Variants in PTBP3 observed in about 807,000 individuals in gnomAD.
PTBP3 encodes the protein polypyrimidine tract-binding protein 3.
In PTBP3, 20 loss-of-function variants were observed where a neutral mutation model predicts 58.7. The observed-to-expected ratio is 0.34, with a 90% CI of 0.24 to 0.50. PTBP3 has a LOEUF of 0.50. Ranked by LOEUF, PTBP3 falls within the 20% of genes least tolerant of loss-of-function variation. The pLI is 0.98. For missense variants in PTBP3, 509 were observed against 637.2 expected (o/e 0.80, Z 2.17); for synonymous variants, 185 against 219.8 (o/e 0.84, Z 1.40).
intron 2 of PTBP3, among the ~76,000 whole-genome samples, chr9:112,282,708 A>G (rs1338856377): frequency 6.6e-6 from 1 of 151,992 alleles, no homozygotes; most frequent in African/African-American, 2.4e-5. Context: ...TTGATTTCTA[A>G]TAGAATTCTA....
chr9:112,306,011 T>C (rs1165364788), intron 1 of PTBP3, among the ~76,000 whole-genome samples: 1 of 152,126 alleles, frequency 6.6e-6, no homozygotes, highest in East Asian at 1.9e-4. Flanking sequence ...TAGCAAATTA[T>C]TGAACCTGTG....
At chr9:112,319,827 T>G (rs1829848004) in intron 1 of PTBP3, among the ~76,000 whole-genome samples, 1 of 152,124 alleles carries the variant, frequency 6.6e-6, no homozygotes, top group African/African-American at 2.4e-5. Flanking sequence ...ACATGTACAA[T>G]GGAATATTAC....
At chr9:112,331,739 A>G (rs1017820242) in intron 1 of PTBP3, among the ~76,000 whole-genome samples, 1 of 152,230 alleles carries the variant, frequency 6.6e-6, no homozygotes, top group Non-Finnish European at 1.5e-5. Context: ...TGCATATTCA[A>G]ACCAATAAAC....
intron 5 of PTBP3, among the ~76,000 whole-genome samples, chr9:112,262,041 T>C (rs1016468172): frequency 2.6e-5 from 4 of 152,180 alleles, no homozygotes; most frequent in Admixed American, 6.5e-5. Context: ...TGAAGACTTA[T>C]TGAACACTTT....
the PTBP3 span, among the ~76,000 whole-genome samples, chr9:112,367,270 G>A: frequency 6.6e-6 from 1 of 151,542 alleles, no homozygotes; most frequent in Non-Finnish European, 1.5e-5. Flanking sequence ...CTATATTAGA[G>A]TATTCTGAAT....
chr9:112,327,830 A>C (rs932840742), intron 1 of PTBP3, among the ~76,000 whole-genome samples: 11 of 152,200 alleles, frequency 7.2e-5, no homozygotes, highest in South Asian at 4.2e-4. Flanking sequence ...AAAATGAGAA[A>C]GCTTAAGTTC....
At chr9:112,246,308 T>C (rs995971744) in intron 7 of PTBP3, among the ~76,000 whole-genome samples, 4 of 151,914 alleles carry the variant, frequency 2.6e-5, no homozygotes, top group Non-Finnish European at 4.4e-5. Flanking sequence ...TATAATAAAA[T>C]GCTAGCTAAT....
At chr9:112,246,366 T>C (rs541285393) in intron 7 of PTBP3, among the ~76,000 whole-genome samples, 1 of 152,084 alleles carries the variant, frequency 6.6e-6, no homozygotes, top group East Asian at 1.9e-4. Context: ...ATGGAAACCA[T>C]CACAGTAACA....
At chr9:112,340,876 C>CCAAA in the PTBP3 span, among the ~76,000 whole-genome samples, 469 of 30,050 alleles carry the variant, frequency 0.016, 2 homozygotes, top group African/African-American at 0.054. Context: ...AACTCTGTCT[C>CCAAA]AAAAAAAAAA....
chr9:112,352,571 C>T, the PTBP3 span, among the ~76,000 whole-genome samples: 1 of 152,178 alleles, frequency 6.6e-6, no homozygotes, highest in Admixed American at 6.5e-5. Flanking sequence ...AAATGAACCC[C>T]AGGGTGTATT....
the PTBP3 span, among the ~76,000 whole-genome samples, chr9:112,341,611 C>A: frequency 1.4e-4 from 22 of 152,188 alleles, no homozygotes; most frequent in Non-Finnish European, 2.6e-4. Flanking sequence ...CTCATCTCAG[C>A]TTTTCTGTGC....
chr9:112,247,740 C>G (rs1835946381), intron 7 of PTBP3, among the ~76,000 whole-genome samples: 1 of 152,040 alleles, frequency 6.6e-6, no homozygotes, highest in East Asian at 1.9e-4. Flanking sequence ...GATTAAAGGA[C>G]TGTATAGATG....
intron 2 of PTBP3, among the ~76,000 whole-genome samples, chr9:112,288,001 A>T (rs971085579): frequency 1.3e-5 from 2 of 152,152 alleles, no homozygotes; most frequent in African/African-American, 4.8e-5. Context: ...AGAATTTGTT[A>T]TTCTGTTGTT....
intron 7 of PTBP3, among the ~76,000 whole-genome samples, chr9:112,247,555 A>C (rs1228088698): frequency 6.7e-6 from 1 of 149,126 alleles, no homozygotes; most frequent in Non-Finnish European, 1.5e-5. Flanking sequence ...AAAATGACAA[A>C]AAAAAAAAAA....
upstream of PTBP3, among the ~76,000 whole-genome samples, chr9:112,336,553 G>T (rs377696846): frequency 6.6e-6 from 1 of 151,894 alleles, no homozygotes; most frequent in Non-Finnish European, 1.5e-5. Flanking sequence ...AGGTCAAAGC[G>T]GCAGCATTGC....
At chr9:112,376,900 G>A in the PTBP3 span, among the ~76,000 whole-genome samples, 5 of 152,156 alleles carry the variant, frequency 3.3e-5, no homozygotes, top group Non-Finnish European at 7.3e-5. Context: ...ATACCATCAA[G>A]TTGACACTCA....
intron 1 of PTBP3, among the ~76,000 whole-genome samples, chr9:112,321,525 T>G (rs1829948859): frequency 2.2e-5 from 1 of 45,212 alleles, no homozygotes; most frequent in Admixed American, 2.7e-4. Context: ...TGAGACGTAG[T>G]CTGAAAAAAA....
rs558747442 is a variant in PTBP3, at chr9:112,243,374, C to T, written c.802+7555G>A. On this transcript the variant is annotated intron_variant, in intron 7 of 13. Coordinates refer to ENST00000374257, the MANE Select transcript of PTBP3 (RefSeq NM_001163788.4). ...TGGCCAACACGGTGAAACCCCATCT[C>T]TACTAAAAATTCAAAAAATTAGCTA... Among the ~76,000 whole-genome samples the T allele has an allele frequency of 1.9e-3, 292 of 152,176 alleles. 1 individual carries two copies. Among genetic ancestry groups the T allele is most frequent in the African/African-American group, 6.6e-3 (274 of 41,518 alleles).
the PTBP3 span, among the ~76,000 whole-genome samples, chr9:112,343,418 T>G: frequency 3.3e-5 from 5 of 152,200 alleles, no homozygotes; most frequent in East Asian, 9.7e-4. Context: ...CAGTTTTCAC[T>G]ACCACTACAA....
Sources: gnomAD v4.1 joint callset for allele counts (sites outside exome capture counted in the v4.1 genomes callset) on GRCh38, gnomAD v4.1.1 for gene constraint, MANE v1.5 for transcripts, NCBI Gene and HGNC (gene_info 2026-07-23, HGNC 2026-07-21) for gene names.